NCOR1: variants seen among roughly 807,000 people sequenced by gnomAD.
The protein encoded by NCOR1 is protein phosphatase 1, regulatory subunit 109.
Under a neutral mutation model 288.1 loss-of-function variants are expected in NCOR1, and 63 were observed. That is an observed-to-expected ratio of 0.22 (90% CI 0.18 to 0.27). The LOEUF (loss-of-function observed/expected upper bound fraction) is 0.27, where lower values mean the gene tolerates loss of function less well. Among genes scored for constraint, NCOR1 ranks in the 10% least tolerant of loss-of-function variants. The pLI is 1.00. For synonymous variants in NCOR1, 1,007 were observed against 1,065.9 expected (o/e 0.94, Z 1.08); for missense variants, 2,397 against 3,019.2 (o/e 0.79, Z 4.83).
intron 18 of NCOR1, among the ~76,000 whole-genome samples, chr17:16,111,144 G>C (rs1189531052): frequency 6.6e-6 from 1 of 152,032 alleles, no homozygotes; most frequent in African/African-American, 2.4e-5. Flanking sequence ...CATTCTGTTT[G>C]GTCCTTTCAC....
intron 3 of NCOR1, among the ~76,000 whole-genome samples, chr17:16,172,360 CA>C (rs1423797633): frequency 1.2e-4 from 17 of 136,804 alleles, no homozygotes; most frequent in Admixed American, 1.4e-4. Context: ...CGTCTTAAAA[CA>C]AAAAAAAAAG....
At chr17:16,082,570 T>G (rs1209842182) in intron 23 of NCOR1, among the ~76,000 whole-genome samples, 1 of 151,284 alleles carries the variant, frequency 6.6e-6, no homozygotes, top group African/African-American at 2.4e-5. Flanking sequence ...AAAAAAAAAA[T>G]TAAAAGCCAG....
chr17:16,044,966 C>A, intron 42 of NCOR1: 5 of 515,270 alleles, frequency 9.7e-6, no homozygotes, highest in Non-Finnish European at 1.8e-5. Context: ...GACTAAATTT[C>A]TTATAACGTG....
rs80011930 is a variant in NCOR1, at chr17:16,119,592, A to G, written c.1853-107T>C. Reference sequence around the variant, plus strand: ...TTTATCTGACATAAAAGACTATGTAAAAGCATTTGGTGAAAGAAACTGCAG... The same window carrying G: ...TTTATCTGACATAAAAGACTATGTAGAAGCATTTGGTGAAAGAAACTGCAG... On this transcript the variant is annotated intron_variant, in intron 16 of 45. Coordinates refer to ENST00000268712, the MANE Select transcript of NCOR1 (RefSeq NM_006311.4). 1,965 of 726,388 alleles carry G rather than the reference A, an allele frequency of 2.7e-3. 31 individuals are homozygous for G. The African/African-American group carries it at 0.03, about 11-fold the overall frequency. The allele number at this position is 726,388 out of a possible 1,614,324, so 45.0% of individuals were successfully genotyped here. A position where few individuals can be genotyped will look rare whatever the true frequency, so the allele number is the denominator to read the frequency against.
chr17:16,106,838 C>G (rs1310057022), intron 19 of NCOR1, among the ~76,000 whole-genome samples: 4 of 136,492 alleles, frequency 2.9e-5, no homozygotes, highest in African/African-American at 1.1e-4. Context: ...ATGGTGCCAC[C>G]CTACACTTGA....
intron 14 of NCOR1, among the ~76,000 whole-genome samples, chr17:16,127,000 A>C (rs1326040751): frequency 1.3e-5 from 2 of 152,090 alleles, no homozygotes; most frequent in African/African-American, 4.8e-5. Context: ...GACCACACTC[A>C]TGTAACTTCT....
At chr17:16,132,846 A>T (rs2075845518) in intron 14 of NCOR1, among the ~76,000 whole-genome samples, 1 of 143,486 alleles carries the variant, frequency 7.0e-6, no homozygotes, top group South Asian at 2.2e-4. Context: ...TCTAGGCATG[A>T]GCCACCACGT....
chr17:16,109,523 A>G (rs984537747), intron 18 of NCOR1, among the ~76,000 whole-genome samples: 1 of 152,146 alleles, frequency 6.6e-6, no homozygotes, highest in African/African-American at 2.4e-5. Context: ...ATTGTTATTA[A>G]TGATCCCATG....
intron 1 of NCOR1, among the ~76,000 whole-genome samples, chr17:16,214,095 T>C (rs2092366346): frequency 6.6e-6 from 1 of 152,224 alleles, no homozygotes; most frequent in South Asian, 2.1e-4. Flanking sequence ...GATTTCTCTC[T>C]CCAGTAACTT....
At chr17:16,110,265 G>C (rs2069759398) in intron 18 of NCOR1, among the ~76,000 whole-genome samples, 2 of 151,810 alleles carry the variant, frequency 1.3e-5, no homozygotes, top group African/African-American at 4.8e-5. Context: ...CTGAGCCAGG[G>C]AGATCGCTTG....
chr17:16,149,868 A>G (rs1476089290), intron 8 of NCOR1, among the ~76,000 whole-genome samples: 1 of 152,164 alleles, frequency 6.6e-6, no homozygotes, highest in Admixed American at 6.5e-5. Context: ...GAAGGGAGGT[A>G]GAAGAGAAGG....
chr17:16,181,328 C>T (rs538851589), intron 3 of NCOR1, among the ~76,000 whole-genome samples: 11 of 149,516 alleles, frequency 7.4e-5, no homozygotes, highest in South Asian at 4.2e-4. Flanking sequence ...GCTGAAACCA[C>T]GCTGAAATAA....
intron 23 of NCOR1, among the ~76,000 whole-genome samples, chr17:16,080,934 A>C (rs112242506): frequency 0.015 from 2,251 of 152,116 alleles, 39 homozygotes; most frequent in Non-Finnish European, 0.025. Context: ...AGGGAGTAGG[A>C]TATGTCTTCT....
intron 27 of NCOR1, among the ~76,000 whole-genome samples, chr17:16,073,981 A>G (rs2062070875): frequency 1.3e-5 from 2 of 152,240 alleles, no homozygotes; most frequent in Non-Finnish European, 2.9e-5. Flanking sequence ...AAGGATGAAT[A>G]AGAGTTGTTC....
intron 1 of NCOR1, among the ~76,000 whole-genome samples, chr17:16,200,176 C>A (rs2090572701): frequency 6.6e-6 from 1 of 151,998 alleles, no homozygotes; most frequent in Admixed American, 6.6e-5. Flanking sequence ...TCAAGGTGGC[C>A]TAAGCTATCT....
intron 6 of NCOR1, among the ~76,000 whole-genome samples, chr17:16,158,406 TTTA>T (rs2080175090): frequency 6.6e-6 from 1 of 152,238 alleles, no homozygotes; most frequent in South Asian, 2.1e-4. Context: ...TTAAACATCA[TTTA>T]TTAAGTGAAA....
In NCOR1 at chr17:16,126,330, T is replaced by C. The variant is rs527321911; in HGVS notation, c.1510-124A>G. 187 of 990,326 alleles carry C rather than the reference T, an allele frequency of 1.9e-4. No individual in the cohort carries two copies. In the African/African-American group the frequency reaches 2.7e-3, roughly 14 times the overall value. 61.3% of individuals were successfully genotyped at this position (990,326 alleles called of 1,614,324 possible). ...TGTTAGTCATTTACAATGTAACTGG[T>C]GATCGTGTGTTAAAAACCAGTCTAG... On this transcript the variant is annotated intron_variant, in intron 14 of 45. Transcript: ENST00000268712.
rs55844632 is a variant in NCOR1 at position 16,165,108 on chromosome 17, T to C, written c.489A>G (p.Gln163=). ...HEAPSSPISG[Q]PCGDDQNASP... The stretch of plus-strand genomic sequence containing the variant: ...AAGCATTTTGATCATCTCCACATGG[T>C]TGCCCCGAAATTGGAGAGGATGGAG... The change falls in exon 5 of 46, where the codon CAA becomes CAG. Residue 163 remains glutamine, a synonymous_variant. Transcript: ENST00000268712. 6.2e-7 allele frequency: 1 copy of C among 1,610,086 alleles called. No individual in the cohort carries two copies. The highest frequency in any genetic ancestry group is 8.5e-7 in the Non-Finnish European group (1 of 1,179,146).
intron 3 of NCOR1, among the ~76,000 whole-genome samples, chr17:16,183,513 C>T (rs2085978422): frequency 6.6e-6 from 1 of 151,888 alleles, no homozygotes; most frequent in South Asian, 2.1e-4. Context: ...AATAAATTTA[C>T]TTGGTTAAAT....
Sources: allele counts gnomAD v4.1 joint callset (sites outside exome capture counted in the v4.1 genomes callset), GRCh38; gene constraint gnomAD v4.1.1; transcripts MANE v1.5; gene names NCBI Gene and HGNC (gene_info 2026-07-23, HGNC 2026-07-21).